CAMKMT: variants seen among roughly 807,000 people sequenced by gnomAD.
CAMKMT encodes calmodulin-lysine N-methyltransferase.
CAMKMT carries 53 observed loss-of-function variants against 48.0 expected under a neutral mutation model. That is an observed-to-expected ratio of 1.10 (90% CI 0.89 to 1.39). The LOEUF (loss-of-function observed/expected upper bound fraction) is 1.39, where lower values mean the gene tolerates loss of function less well. Ranked by LOEUF, CAMKMT falls within the 40% of genes most tolerant of loss-of-function variation. CAMKMT has a pLI of 0.00. For synonymous variants in CAMKMT, 165 were observed against 152.3 expected, an observed-to-expected ratio of 1.08 and a Z score of -0.61; for missense variants, 428 against 402.7, an observed-to-expected ratio of 1.06 and a Z score of -0.54.
At chr2:44,504,172 T>C (rs1370694458) in intron 3 of CAMKMT, among the ~76,000 whole-genome samples, 9 of 152,108 alleles carry the variant, frequency 5.9e-5, no homozygotes, top group Non-Finnish European at 1.3e-4. Context: ...ATATTAATTT[T>C]GAGGGACACA....
At chr2:44,515,367 A>G (rs1200786288) in intron 3 of CAMKMT, among the ~76,000 whole-genome samples, 1 of 152,164 alleles carries the variant, frequency 6.6e-6, no homozygotes, top group Non-Finnish European at 1.5e-5. Flanking sequence ...AACTCAGTCA[A>G]AATGCTTACA....
chr2:44,426,766 T>A (rs140554564), intron 3 of CAMKMT, among the ~76,000 whole-genome samples: 1 of 152,308 alleles, frequency 6.6e-6, no homozygotes, highest in Non-Finnish European at 1.5e-5. Flanking sequence ...ATTTACAGAT[T>A]CAATGCTATT....
chr2:44,523,765 C>T (rs1028417223), intron 3 of CAMKMT, among the ~76,000 whole-genome samples: 68 of 139,376 alleles, frequency 4.9e-4, no homozygotes, highest in Non-Finnish European at 7.1e-4. Flanking sequence ...CTCCAGAGAG[C>T]GAGCATTTTT....
chr2:44,482,525 A>G (rs926273248), intron 3 of CAMKMT, among the ~76,000 whole-genome samples: 7 of 152,158 alleles, frequency 4.6e-5, no homozygotes, highest in Non-Finnish European at 8.8e-5. Flanking sequence ...TGTTAACACT[A>G]ATTTCTGTAC....
intron 3 of CAMKMT, among the ~76,000 whole-genome samples, chr2:44,669,383 G>A (rs1271863958): frequency 6.6e-6 from 1 of 152,156 alleles, no homozygotes; most frequent in Non-Finnish European, 1.5e-5. Flanking sequence ...AAGCTACTAT[G>A]GACATCCTCG....
chr2:44,490,394 G>C (rs1319968744), intron 3 of CAMKMT, among the ~76,000 whole-genome samples: 1 of 152,098 alleles, frequency 6.6e-6, no homozygotes, highest in Non-Finnish European at 1.5e-5. Context: ...TCCTGCCTCA[G>C]CCTCCTGAGT....
chr2:44,681,638 A>C, intron 3 of CAMKMT, among the ~76,000 whole-genome samples: 1 of 151,770 alleles, frequency 6.6e-6, no homozygotes, highest in Non-Finnish European at 1.5e-5. Context: ...GTACAATGAG[A>C]TCGAATCTTT....
At chr2:44,405,318 A>G (rs1319268976) in intron 3 of CAMKMT, among the ~76,000 whole-genome samples, 1 of 152,098 alleles carries the variant, frequency 6.6e-6, no homozygotes, top group Non-Finnish European at 1.5e-5. Context: ...TACTAATGGA[A>G]TTGTTGGATA....
chr2:44,440,136 A>T (rs996969097), intron 3 of CAMKMT, among the ~76,000 whole-genome samples: 1 of 152,144 alleles, frequency 6.6e-6, no homozygotes, highest in Non-Finnish European at 1.5e-5. Flanking sequence ...GTGTTTACTT[A>T]TACAGGTCTT....
intron 3 of CAMKMT, among the ~76,000 whole-genome samples, chr2:44,601,987 C>G (rs6713725): frequency 2.0e-5 from 3 of 151,424 alleles, no homozygotes; most frequent in African/African-American, 7.3e-5. Flanking sequence ...ATATTGTAGT[C>G]TGCTTTTTAA....
chr2:44,537,066 G>A (rs894085163), intron 3 of CAMKMT, among the ~76,000 whole-genome samples: 7 of 152,260 alleles, frequency 4.6e-5, no homozygotes, highest in South Asian at 2.1e-4. Flanking sequence ...ACTATTAGAT[G>A]AAAACATAGG....
chr2:44,467,386 G>T (rs574048912), intron 3 of CAMKMT, among the ~76,000 whole-genome samples: 1 of 151,998 alleles, frequency 6.6e-6, no homozygotes, highest in Non-Finnish European at 1.5e-5. Flanking sequence ...ACAAAAATTA[G>T]CCAGGCATGG....
intron 3 of CAMKMT, among the ~76,000 whole-genome samples, chr2:44,586,591 A>C (rs1037051085): frequency 6.6e-6 from 1 of 152,182 alleles, no homozygotes; most frequent in Non-Finnish European, 1.5e-5. Context: ...TTCACTCAGC[A>C]TAATTATTTA....
At chr2:44,366,134 G>A (rs1678567329) in intron 1 of CAMKMT, among the ~76,000 whole-genome samples, 1 of 152,170 alleles carries the variant, frequency 6.6e-6, no homozygotes, top group African/African-American at 2.4e-5. Flanking sequence ...TTAGGGTAAC[G>A]TTAACTCCCT....
intron 3 of CAMKMT, among the ~76,000 whole-genome samples, chr2:44,506,135 G>A (rs114316692): frequency 0.016 from 2,503 of 152,194 alleles, 31 homozygotes; most frequent in Non-Finnish European, 0.024. Context: ...AGCATTACAG[G>A]CATGAGCCAC....
chr2:44,690,749 G>A (rs1388796671), intron 3 of CAMKMT, among the ~76,000 whole-genome samples: 3 of 152,050 alleles, frequency 2.0e-5, no homozygotes, highest in Admixed American at 6.6e-5. Flanking sequence ...GCTGAGGTGG[G>A]TGGATTACCT....
chr2:44,690,108 C>T (rs1442938547), intron 3 of CAMKMT, among the ~76,000 whole-genome samples: 4 of 152,096 alleles, frequency 2.6e-5, no homozygotes, highest in Admixed American at 6.6e-5. Flanking sequence ...AGGACCATTT[C>T]GAAACCCATC....
intron 3 of CAMKMT, among the ~76,000 whole-genome samples, chr2:44,449,080 A>G (rs973863975): frequency 6.6e-6 from 1 of 152,160 alleles, no homozygotes; most frequent in South Asian, 2.1e-4. Context: ...ATACACAAAA[A>G]ACTATTAAGT....
intron 3 of CAMKMT, among the ~76,000 whole-genome samples, chr2:44,602,468 C>T (rs1338313592): frequency 1.3e-5 from 2 of 151,988 alleles, no homozygotes; most frequent in Non-Finnish European, 2.9e-5. Flanking sequence ...ATATATCCAC[C>T]ATTTAGATTT....
Sources: gnomAD v4.1 joint callset for allele counts (sites outside exome capture counted in the v4.1 genomes callset) on GRCh38, gnomAD v4.1.1 for gene constraint, MANE v1.5 for transcripts, NCBI Gene and HGNC (gene_info 2026-07-23, HGNC 2026-07-21) for gene names.